Variants in TMEM8B observed in about 807,000 individuals in gnomAD.
The protein encoded by TMEM8B is transmembrane protein 8B, also known as nasopharyngeal carcinoma expressed 6.
Under a neutral mutation model 49.3 loss-of-function variants are expected in TMEM8B, and 29 were observed. The observed-to-expected ratio is 0.59, with a 90% CI of 0.44 to 0.80. TMEM8B has a LOEUF of 0.80. Ranked by LOEUF, TMEM8B falls within the 30% of genes least tolerant of loss-of-function variation. The probability of loss-of-function intolerance (pLI) is 0.00; values close to 1 mark genes in which losing one functional copy is unlikely to be tolerated. For missense variants in TMEM8B, 575 were observed against 658.5 expected, an observed-to-expected ratio of 0.87 and a Z score of 1.39; for synonymous variants, 264 against 272.8, an observed-to-expected ratio of 0.97 and a Z score of 0.32.
intron 3 of TMEM8B, among the ~76,000 whole-genome samples, chr9:35,838,734 C>G (rs1353428411): frequency 6.6e-6 from 1 of 152,186 alleles, no homozygotes. Context: ...ATGCTTCTTT[C>G]TCTAGTCATT....
At chr9:35,847,892 T>C (rs544468468) in intron 10 of TMEM8B, among the ~76,000 whole-genome samples, 4 of 152,258 alleles carry the variant, frequency 2.6e-5, no homozygotes, top group African/African-American at 9.6e-5. Flanking sequence ...AAGTAGACTT[T>C]TTACCCCTGA....
In TMEM8B at chr9:35,858,433, A is replaced by G. The variant is rs1832591167; in HGVS notation, c.*4593A>G. Reference sequence around the variant, plus strand: ...TCACATGCAAACTTCTCTGTGGCCAACCCTAACCCACACCCTCTAACCTAG... The same window carrying G: ...TCACATGCAAACTTCTCTGTGGCCAGCCCTAACCCACACCCTCTAACCTAG... On this transcript the variant is annotated 3_prime_UTR_variant, in exon 13 of 13. Transcript: ENST00000643932. 1 of 152,264 alleles carries G rather than the reference A, an allele frequency of 6.6e-6. No individual in the cohort carries two copies. The highest frequency in any genetic ancestry group is 2.1e-4 in the South Asian group (1 of 4,830). The allele number at this position is 152,264 out of a possible 1,614,324, so 9.4% of individuals were successfully genotyped here.
rs773356904 is a variant in TMEM8B at position 35,842,507 on chromosome 9, G to A, written c.1425G>A (p.Ala475=). The change falls in exon 6 of 13, where the codon GCG becomes GCA. Residue 475 remains alanine (A), a synonymous_variant. Transcript: ENST00000643932. The surrounding 1 kb of genome is among the most constrained non-coding windows in gnomAD (Gnocchi z 5.6). ...AACCGCCATCCCTTGGAACCCCTGCGGAGGGGCCTGGGACCACGTCCCCAC... is the reference window on the plus strand; with the variant it reads ...AACCGCCATCCCTTGGAACCCCTGCAGAGGGGCCTGGGACCACGTCCCCAC... ...PPEPPSLGTP[A]EGPGTTSPPE... 13 of 1,611,672 alleles carry A rather than the reference G, an allele frequency of 8.1e-6. No homozygotes were observed. Among genetic ancestry groups the A allele is most frequent in the East Asian group, 4.5e-5 (2 of 44,778 alleles).
rs41277079 is a variant in TMEM8B at position 35,842,397 on chromosome 9, C to T, written c.1315C>T (p.Pro439Ser). 5.3e-6 allele frequency: 8 copies of T among 1,518,782 alleles called. No individual in the cohort carries two copies. Among genetic ancestry groups the T allele is most frequent in the Non-Finnish European group, 6.2e-6 (7 of 1,133,024 alleles). The allele number at this position is 1,518,782 out of a possible 1,614,324, so 94.1% of individuals were successfully genotyped here. Residue 439 changes from proline (P) to serine (S), a missense_variant, in exon 6 of 13, where the codon CCA becomes TCA. Transcript: ENST00000643932. The surrounding 1 kb of genome is among the most constrained non-coding windows in gnomAD (Gnocchi z 5.6). ...FQLCVRLQEC[P>S]QPGLLRALVP... The stretch of plus-strand genomic sequence containing the variant: ...TGGTTTCCTCTGCCCCACAGAGTGC[C>T]CACAGCCCGGCCTGCTCCGAGCCCT...
In TMEM8B at chr9:35,841,978, T is replaced by A. The variant is rs955981910; in HGVS notation, c.1309+184T>A. 2.7e-5 allele frequency among the ~76,000 whole-genome samples: 4 copies of A among 149,744 alleles called. No individual in the cohort carries two copies. The highest frequency in any genetic ancestry group is 4.4e-5 in the Non-Finnish European group (3 of 67,798). ...AGTTATTGGAAGGCCTTTAGATAAT[T>A]TTTTTTTTGCATCTGACTTGAGACA... On this transcript the variant is annotated intron_variant, in intron 5 of 12. Transcript: ENST00000643932. This position sits in a 1 kb window ranked among gnomAD's most constrained non-coding sequence, Gnocchi z 5.9.
rs1832720387 is a variant in TMEM8B, at chr9:35,865,364, C to T, written c.*11524C>T. 6.6e-6 allele frequency: 1 copy of T among 152,214 alleles called. No homozygotes were observed. The highest frequency in any genetic ancestry group is 2.1e-4 in the South Asian group (1 of 4,822). 9.4% of individuals were successfully genotyped at this position (152,214 alleles called of 1,614,324 possible). On this transcript the variant is annotated 3_prime_UTR_variant, in exon 13 of 13. Coordinates refer to ENST00000643932, the MANE Select transcript of TMEM8B (RefSeq NM_001042590.4). ...GACTTTATTAGGTCAGGGATTTAATCAGGCATCTGTTTTTACAGATTTCTT... is the reference window on the plus strand; with the variant it reads ...GACTTTATTAGGTCAGGGATTTAATTAGGCATCTGTTTTTACAGATTTCTT...
intron 1 of TMEM8B, chr9:35,833,218 C>A: frequency 1.7e-6 from 1 of 586,560 alleles, no homozygotes; most frequent in Non-Finnish European, 2.1e-6. Context: ...GATGATTGGA[C>A]TAGGTTAGCC....
At position 35,858,906 on chromosome 9, in the gene TMEM8B, A is replaced by G. The variant is rs1832601251; in HGVS notation, c.*5066A>G. ...GGGTGAAGACCATGATGCGGAGCAG[A>G]AGCCCCACCAGCCTCTGGTGGACCT... On this transcript the variant is annotated 3_prime_UTR_variant, in exon 13 of 13. Coordinates refer to ENST00000643932, the MANE Select transcript of TMEM8B (RefSeq NM_001042590.4). The G allele has an allele frequency of 1.3e-5, 2 of 152,414 alleles. No individual in the cohort carries two copies. Among genetic ancestry groups the G allele is most frequent in the Admixed American group, 1.3e-4 (2 of 15,286 alleles). 9.4% of individuals were successfully genotyped at this position (152,414 alleles called of 1,614,324 possible).
At position 35,841,090 on chromosome 9, in the gene TMEM8B, C is replaced by G; in HGVS notation, c.907-44C>G. 2 of 415,086 alleles carry G rather than the reference C, an allele frequency of 4.8e-6. No homozygotes were observed. Among genetic ancestry groups the G allele is most frequent in the Non-Finnish European group, 8.8e-6 (2 of 226,390 alleles). The allele number at this position is 415,086 out of a possible 1,614,324, so 25.7% of individuals were successfully genotyped here. On this transcript the variant is annotated intron_variant, in intron 3 of 12. Coordinates refer to ENST00000643932, the MANE Select transcript of TMEM8B (RefSeq NM_001042590.4). This position sits in a 1 kb window ranked among gnomAD's most constrained non-coding sequence, Gnocchi z 5.9. ...TCTGTTTGCCTTGGTTTAGTCACACCCCTGCTGTCTCTCCCTCTCCTGCCA... is the reference window on the plus strand; with the variant it reads ...TCTGTTTGCCTTGGTTTAGTCACACGCCTGCTGTCTCTCCCTCTCCTGCCA...
rs570544640 is a variant in TMEM8B, at chr9:35,837,172, C to T, written c.906+1954C>T. ...TTTGGTGGGAACTGAAGAGTCCCAG[C>T]GATAAGAAGGCAGTGTGTTTCTAGG... On this transcript the variant is annotated intron_variant, in intron 3 of 12. Transcript: ENST00000643932. 1.5e-3 allele frequency among the ~76,000 whole-genome samples: 221 copies of T among 152,198 alleles called. 3 individuals are homozygous for T. The highest frequency in any genetic ancestry group is 5.1e-3 in the African/African-American group (213 of 41,506).
Position 35,855,152 on chromosome 9 carries a change from C to T in TMEM8B, c.*1312C>T, listed in dbSNP as rs1232653505. 1 of 152,222 alleles carries T rather than the reference C, an allele frequency of 6.6e-6. No individual in the cohort carries two copies. Among genetic ancestry groups the T allele is most frequent in the Non-Finnish European group, 1.5e-5 (1 of 68,050 alleles). The allele number at this position is 152,222 out of a possible 1,614,324, so 9.4% of individuals were successfully genotyped here. A position where few individuals can be genotyped will look rare whatever the true frequency, so the allele number is the denominator to read the frequency against. ...CATATGTGGAGACCCGTAAAGTTGT[C>T]TAAGGCCTTGGCTATGCAGACACAC... On this transcript the variant is annotated 3_prime_UTR_variant, in exon 13 of 13. Coordinates refer to ENST00000643932, the MANE Select transcript of TMEM8B (RefSeq NM_001042590.4).
Position 35,854,161 on chromosome 9 carries a change from T to G in TMEM8B, c.*321T>G. On this transcript the variant is annotated 3_prime_UTR_variant, in exon 13 of 13. Coordinates refer to ENST00000643932, the MANE Select transcript of TMEM8B (RefSeq NM_001042590.4). ...AGAGCCTTCCCAAGACATGGATTCC[T>G]TCCCAGGGAGACAAAGCCCTGTCAG... is the stretch of plus-strand genomic sequence containing the variant. 1 of 462,208 alleles carries G rather than the reference T, an allele frequency of 2.2e-6. No individual in the cohort carries two copies. The highest frequency in any genetic ancestry group is 3.2e-6 in the Non-Finnish European group (1 of 316,986). 28.6% of individuals were successfully genotyped at this position (462,208 alleles called of 1,614,324 possible). A position where few individuals can be genotyped will look rare whatever the true frequency, so the allele number is the denominator to read the frequency against.
chr9:35,839,575 C>A (rs1371552156), intron 3 of TMEM8B, among the ~76,000 whole-genome samples: 1 of 152,236 alleles, frequency 6.6e-6, no homozygotes, highest in Non-Finnish European at 1.5e-5. Context: ...GTCCACTGAT[C>A]TTTCATTGAA....
At position 35,858,504 on chromosome 9, in the gene TMEM8B, C is replaced by G. The variant is rs1832592911; in HGVS notation, c.*4664C>G. 1 of 152,238 alleles carries G rather than the reference C, an allele frequency of 6.6e-6. No homozygotes were observed. The highest frequency in any genetic ancestry group is 6.5e-5 in the Admixed American group (1 of 15,278). 9.4% of individuals were successfully genotyped at this position (152,238 alleles called of 1,614,324 possible). On this transcript the variant is annotated 3_prime_UTR_variant, in exon 13 of 13. Coordinates refer to ENST00000643932, the MANE Select transcript of TMEM8B (RefSeq NM_001042590.4). The stretch of plus-strand genomic sequence containing the variant: ...GCTACCACACGTGAGCTAACCAGAG[C>G]TTTCTTGGGACGATTAACTTGGCAG...
intron 1 of TMEM8B, among the ~76,000 whole-genome samples, chr9:35,830,183 C>G (rs1202011182): frequency 6.6e-6 from 1 of 152,160 alleles, no homozygotes; most frequent in African/African-American, 2.4e-5. Context: ...AGCACAGAGA[C>G]TCCAAGATTT....
chr9:35,844,356 A>C (rs762510116), intron 6 of TMEM8B, among the ~76,000 whole-genome samples: 15 of 152,228 alleles, frequency 9.9e-5, no homozygotes, highest in Non-Finnish European at 1.9e-4. Context: ...GCGGAGCCCT[A>C]TGTTGGCCCA....
rs539720672 is a variant in TMEM8B, at chr9:35,849,386, T to C, written c.2175+2391T>C. Among the ~76,000 whole-genome samples the C allele has an allele frequency of 2.4e-4, 36 of 152,346 alleles. 1 individual carries two copies. In the South Asian group the frequency reaches 4.4e-3, roughly 18 times the overall value. ...ACAGGCCACAAACTTAGCATTTGAT[T>C]TTTGTATATAGGCAAACAATTCAGA... On this transcript the variant is annotated intron_variant, in intron 10 of 12. Transcript: ENST00000643932.
rs963914036 is a variant in TMEM8B at position 35,862,903 on chromosome 9, C to A, written c.*9063C>A. 3 of 152,190 alleles carry A rather than the reference C, an allele frequency of 2.0e-5. No homozygotes were observed. Among genetic ancestry groups the A allele is most frequent in the African/African-American group, 7.2e-5 (3 of 41,452 alleles). The allele number at this position is 152,190 out of a possible 1,614,324, so 9.4% of individuals were successfully genotyped here. A position where few individuals can be genotyped will look rare whatever the true frequency, so the allele number is the denominator to read the frequency against. On this transcript the variant is annotated 3_prime_UTR_variant, in exon 13 of 13. Transcript: ENST00000643932. Reference sequence around the variant, plus strand: ...ATTGCAGTGAAAGGGCTGTGTCCTTCATCACTGTCACCCTCCAGTGACCCG... The same window carrying A: ...ATTGCAGTGAAAGGGCTGTGTCCTTAATCACTGTCACCCTCCAGTGACCCG...
At chr9:35,844,148 A>G (rs1831283891) in intron 6 of TMEM8B, among the ~76,000 whole-genome samples, 1 of 152,222 alleles carries the variant, frequency 6.6e-6, no homozygotes, top group Admixed American at 6.5e-5. Context: ...GGGCATATAC[A>G]TTTTGGTGCC....
Sources: allele counts gnomAD v4.1 joint callset (sites outside exome capture counted in the v4.1 genomes callset), GRCh38; gene constraint gnomAD v4.1.1; non-coding constraint Gnocchi (gnomAD v3.1); transcripts MANE v1.5; gene names NCBI Gene and HGNC (gene_info 2026-07-23, HGNC 2026-07-21).